SUPT6H: variants seen among roughly 807,000 people sequenced by gnomAD.
SUPT6H encodes the protein transcription elongation factor SPT6.
A neutral mutation model predicts 222.3 loss-of-function variants in SUPT6H; 11 were observed. That is an observed-to-expected ratio of 0.05 (90% CI 0.03 to 0.08). SUPT6H has a LOEUF of 0.08. Among genes scored for constraint, SUPT6H ranks in the 10% least tolerant of loss-of-function variants. The probability of loss-of-function intolerance (pLI) is 1.00; values close to 1 mark genes in which losing one functional copy is unlikely to be tolerated. For missense variants in SUPT6H, 1,422 were observed against 2,216.0 expected (o/e 0.64, Z 7.19); for synonymous variants, 762 against 801.2 (o/e 0.95, Z 0.83).
chr17:28,695,236 CAAGT>C, intron 28 of SUPT6H, 112 bp from the exon 29 acceptor site: 1 of 1,110,790 alleles, frequency 9.0e-7, no homozygotes, highest in Non-Finnish European at 1.3e-6. Context: ...TGGCTTTGGG[CAAGT>C]CACTTTACAC....
chr17:28,676,143 G>T lies in SUPT6H; in HGVS notation c.624-14G>T, dbSNP rs531347802. 5.4e-5 allele frequency: 84 copies of T among 1,559,316 alleles called. No homozygotes were observed. The highest frequency in any genetic ancestry group is 6.8e-5 in the Non-Finnish European group (78 of 1,155,312). ...CCTGAACCTGAGCCACCTGCCTCTT[G>T]CTGCCACCTACAGGGCCCTGCAAGA... On this transcript the variant is annotated splice_polypyrimidine_tract_variant and intron_variant, in intron 6 of 36. Transcript: ENST00000314616.
chr17:28,667,192 C>T (rs1416025924), intron 1 of SUPT6H, among the ~76,000 whole-genome samples: 44 of 130,700 alleles, frequency 3.4e-4, no homozygotes, highest in African/African-American at 9.2e-4. Flanking sequence ...GGTGAAACCC[C>T]GTCTCTACTA....
At chr17:28,666,095 C>T (rs1345472355) in intron 1 of SUPT6H, among the ~76,000 whole-genome samples, 4 of 152,336 alleles carry the variant, frequency 2.6e-5, no homozygotes, top group African/African-American at 2.4e-5. Context: ...TAGAAGCACA[C>T]GTCTCTGACA....
chr17:28,676,218 T>C lies in SUPT6H; in HGVS notation c.685T>C (p.Tyr229His), dbSNP rs1285816762. The C allele has an allele frequency of 1.9e-6, 3 of 1,612,028 alleles. No individual in the cohort carries two copies. Among genetic ancestry groups the C allele is most frequent in the Non-Finnish European group, 2.5e-6 (3 of 1,179,310 alleles). Residue 229 changes from tyrosine to histidine, a missense_variant, in exon 7 of 37, where the codon TAC (tyrosine) becomes CAC (histidine). By Grantham distance (83) the Tyr-to-His change is moderately conservative. Around this residue, in one of 13 missense-constraint regions of SUPT6H, gnomAD observed 389 missense variants for 544.6 expected, o/e 0.71. Transcript: ENST00000314616. ...CTTTGACTATGATGAATTTGAGAAA[T>C]ACAATGAGTATGATGAAGAACTGGA... Reference protein sequence around the residue: ...VDFDYDEFEKYNEYDEELEEE... With the variant: ...VDFDYDEFEKHNEYDEELEEE...
intron 32 of SUPT6H, 44 bp downstream of exon 32, chr17:28,698,074 G>A: frequency 6.3e-7 from 1 of 1,590,340 alleles, no homozygotes; most frequent in Non-Finnish European, 8.5e-7. Flanking sequence ...GGGTTCATAG[G>A]CAGGCTAGAA....
In SUPT6H at chr17:28,678,640, G is replaced by A. The variant is rs752572931; in HGVS notation, c.1206+6G>A. On this transcript the variant is annotated splice_donor_region_variant and intron_variant, in intron 10 of 36. Coordinates refer to ENST00000314616, the MANE Select transcript of SUPT6H (RefSeq NM_003170.5). ...TCTGGCAGTGGGATGAAAAGGTAAT[G>A]TAGATCCGTGGCCCCCAAGAGGTGT... 5.0e-6 allele frequency: 8 copies of A among 1,613,924 alleles called. No homozygotes were observed. The South Asian group carries it at 7.7e-5, about 16-fold the overall frequency.
At chr17:28,666,416 G>A (rs1199233105) in intron 1 of SUPT6H, among the ~76,000 whole-genome samples, 1 of 152,176 alleles carries the variant, frequency 6.6e-6, no homozygotes, top group Admixed American at 6.5e-5. Context: ...TCCTCAATGT[G>A]TGTACCACAA....
Position 28,678,951 on chromosome 17 carries a change from C to G in SUPT6H, c.1337C>G (p.Thr446Ser). The G allele has an allele frequency of 2.5e-6, 4 of 1,614,226 alleles. No individual in the cohort carries two copies. The highest frequency in any genetic ancestry group is 3.4e-6 in the Non-Finnish European group (4 of 1,180,052). Reference sequence around the variant, plus strand: ...GATGGCATCCGGGCTCTGGACACCACTGACATGGAGAGGTAAAACATGCGG... The same window carrying G: ...GATGGCATCCGGGCTCTGGACACCAGTGACATGGAGAGGTAAAACATGCGG... ...LADGIRALDT[T>S]DMERLKDVQS... Residue 446 changes from threonine (T) to serine (S), a missense_variant, in exon 11 of 37, where the codon ACT (threonine) becomes AGT (serine). Physicochemically the swap from Thr to Ser is moderately conservative, Grantham distance 58. This residue lies in a region of SUPT6H where 389 missense variants were observed against 544.6 expected (regional missense o/e 0.71). Coordinates refer to ENST00000314616, the MANE Select transcript of SUPT6H (RefSeq NM_003170.5).
In SUPT6H at chr17:28,681,322, C is replaced by T. The variant is rs750039728; in HGVS notation, c.1416C>T (p.Gly472=). Residue 472 remains glycine (G), a synonymous_variant, in exon 12 of 37, where the codon GGC becomes GGT. Coordinates refer to ENST00000314616, the MANE Select transcript of SUPT6H (RefSeq NM_003170.5). The stretch of plus-strand genomic sequence containing the variant: ...ACAACCATTTTCTTCTTTATTATGG[C>T]CGAGACATCCCTAAGATGCAGAACG... ...DVYNHFLLYY[G]RDIPKMQNAA... 1 of 1,613,926 alleles carries T rather than the reference C, an allele frequency of 6.2e-7. No homozygotes were observed. The highest frequency in any genetic ancestry group is 8.5e-7 in the Non-Finnish European group (1 of 1,179,946).
chr17:28,665,027 A>C (rs1252484853), intron 1 of SUPT6H, among the ~76,000 whole-genome samples: 1 of 152,098 alleles, frequency 6.6e-6, no homozygotes, highest in Non-Finnish European at 1.5e-5. Context: ...CCTGGTTTCC[A>C]CTCAGATCTT....
intron 11 of SUPT6H, among the ~76,000 whole-genome samples, chr17:28,679,225 T>C (rs2030938521): frequency 6.6e-6 from 1 of 151,864 alleles, no homozygotes; most frequent in Non-Finnish European, 1.5e-5. Context: ...TACAAAAAAT[T>C]AGCTGGGAGC....
chr17:28,674,765 A>C (rs1269288762), intron 4 of SUPT6H, 152 bp downstream of exon 4: 3 of 895,080 alleles, frequency 3.4e-6, no homozygotes, highest in Non-Finnish European at 3.5e-6. Flanking sequence ...CTAGATTTGC[A>C]TCCCAGATCT....
intron 30 of SUPT6H, among the ~76,000 whole-genome samples, 158 bp downstream of exon 30, chr17:28,697,240 T>G (rs942403568): frequency 6.6e-6 from 1 of 152,180 alleles, no homozygotes; most frequent in Non-Finnish European, 1.5e-5. Context: ...TCATTTGATA[T>G]CAATTTTATT....
intron 1 of SUPT6H, among the ~76,000 whole-genome samples, chr17:28,662,983 C>G (rs1264878723): frequency 6.6e-6 from 1 of 152,128 alleles, no homozygotes; most frequent in Non-Finnish European, 1.5e-5. Context: ...TACCTTTCTC[C>G]TCAGGCACTC....
intron 6 of SUPT6H, among the ~76,000 whole-genome samples, chr17:28,675,797 T>C (rs373522926): frequency 1.3e-5 from 2 of 152,322 alleles, no homozygotes; most frequent in East Asian, 1.9e-4. Context: ...TATATTTTTG[T>C]TGGAAGACAA....
rs2031423561 is a variant in SUPT6H at position 28,687,161 on chromosome 17, T to C, written c.2774T>C (p.Ile925Thr). The C allele has an allele frequency of 1.5e-5, 24 of 1,614,054 alleles. No homozygotes were observed. The highest frequency in any genetic ancestry group is 1.0e-4 in the Admixed American group (6 of 59,996). ...GCCCGGCGCATCCAGGACCCTCTGATTGAATTTGCCCAGGTGTGCAGTTCC... is the reference window on the plus strand; with the variant it reads ...GCCCGGCGCATCCAGGACCCTCTGACTGAATTTGCCCAGGTGTGCAGTTCC... ...SLARRIQDPL[I>T]EFAQVCSSDE... Residue 925 changes from isoleucine (I) to threonine (T), a missense_variant, in exon 22 of 37, where the codon ATT (isoleucine) becomes ACT (threonine). Coordinates refer to ENST00000314616, the MANE Select transcript of SUPT6H (RefSeq NM_003170.5).
At position 28,682,654 on chromosome 17, in the gene SUPT6H, C is replaced by T. The variant is rs1490426160; in HGVS notation, c.1598-73C>T. Reference sequence around the variant, plus strand: ...AAAAGGCTAGTTCCCAGAATTCCAACTCCAGATTCTGAAAGCCAAGAGGTT... The same window carrying T: ...AAAAGGCTAGTTCCCAGAATTCCAATTCCAGATTCTGAAAGCCAAGAGGTT... On this transcript the variant is annotated intron_variant, in intron 13 of 36. Coordinates refer to ENST00000314616, the MANE Select transcript of SUPT6H (RefSeq NM_003170.5). The T allele has an allele frequency of 3.8e-6, 6 of 1,566,378 alleles. No individual in the cohort carries two copies. In the East Asian group the frequency reaches 1.1e-4, roughly 29 times the overall value.
intron 3 of SUPT6H, 30 bp downstream of exon 3, chr17:28,674,471 G>T (rs2151616640): frequency 6.2e-7 from 1 of 1,614,178 alleles, no homozygotes; most frequent in Non-Finnish European, 8.5e-7. Context: ...CTCAAGTGAG[G>T]CTTGGGTGGA....
At chr17:28,673,253 G>A in intron 1 of SUPT6H, 118 bp from the exon 2 acceptor site, 1 of 605,956 alleles carries the variant, frequency 1.7e-6, no homozygotes, top group Non-Finnish European at 3.0e-6. Flanking sequence ...CCCCAAGTGG[G>A]AATGTTGAGT....
Sources: allele counts gnomAD v4.1 joint callset (sites outside exome capture counted in the v4.1 genomes callset), GRCh38; gene constraint gnomAD v4.1.1; regional missense constraint gnomAD v4.1.1; transcripts MANE v1.5; gene names NCBI Gene and HGNC (gene_info 2026-07-23, HGNC 2026-07-21).